Variants in CNKSR2 observed in about 807,000 individuals in gnomAD.
CNKSR2 encodes the protein connector enhancer of kinase suppressor of Ras 2.
In CNKSR2, 14 loss-of-function variants were observed where a neutral mutation model predicts 84.4. The ratio of observed to expected loss-of-function variants is 0.17; its 90% CI spans 0.11 to 0.26. The LOEUF (loss-of-function observed/expected upper bound fraction) is 0.26, where lower values mean the gene tolerates loss of function less well. Among genes scored for constraint, CNKSR2 ranks in the 10% least tolerant of loss-of-function variants. CNKSR2 has a pLI of 1.00. For synonymous variants in CNKSR2, 275 were observed against 277.9 expected, an observed-to-expected ratio of 0.99 and a Z score of 0.10; for missense variants, 485 against 771.2, an observed-to-expected ratio of 0.63 and a Z score of 4.40.
At chrX:21,381,414 T>G (rs1005842706) in intron 1 of CNKSR2, among the ~76,000 whole-genome samples, 1 of 111,716 alleles carries the variant, frequency 9.0e-6, no homozygotes, top group African/African-American at 3.2e-5. Context: ...TCTGTTTCCC[T>G]TTTTTTCCTA....
At chrX:21,523,887 G>A (rs1288685309) in intron 9 of CNKSR2, among the ~76,000 whole-genome samples, 1 of 110,050 alleles carries the variant, frequency 9.1e-6, no homozygotes, top group Non-Finnish European at 1.9e-5. Context: ...TTAGTCATTT[G>A]ATTTTTTACT....
intron 5 of CNKSR2, among the ~76,000 whole-genome samples, chrX:21,485,908 G>T (rs1486596503): frequency 1.8e-5 from 2 of 111,884 alleles, no homozygotes; most frequent in African/African-American, 3.3e-5. Context: ...GCCGAAGTAG[G>T]TGGATTACCT....
At chrX:21,483,420 A>G (rs990730586) in intron 5 of CNKSR2, among the ~76,000 whole-genome samples, 1 of 108,659 alleles carries the variant, frequency 9.2e-6, no homozygotes, top group Admixed American at 1.0e-4. Flanking sequence ...GAAGGGGAAC[A>G]TCACACACTG....
At chrX:21,453,605 C>T (rs984900821) in intron 4 of CNKSR2, among the ~76,000 whole-genome samples, 47 of 111,946 alleles carry the variant, frequency 4.2e-4, no homozygotes, top group African/African-American at 1.4e-3. Flanking sequence ...CTGTATGCCT[C>T]AGCCATAGGA....
At chrX:21,624,380 T>C (rs1335981851) in intron 20 of CNKSR2, among the ~76,000 whole-genome samples, 2 of 112,051 alleles carry the variant, frequency 1.8e-5, no homozygotes, top group Non-Finnish European at 3.8e-5. Flanking sequence ...GTACTTGCAA[T>C]TGAGTGTAGT....
rs138345193 is a variant in CNKSR2, at chrX:21,466,286, A to T, written c.520-4480A>T. ...GTTTGTAAAGTATAGATTTATCCAT[A>T]TGCAATGCTATTTTCTCTTTAAAAC... On this transcript the variant is annotated intron_variant, in intron 4 of 21. Transcript: ENST00000379510. 7.1e-3 allele frequency among the ~76,000 whole-genome samples: 789 copies of T among 111,412 alleles called. 2 individuals are homozygous for T. Among genetic ancestry groups the T allele is most frequent in the African/African-American group, 0.024 (749 of 30,678 alleles).
At chrX:21,434,768 T>C (rs950892624) in intron 3 of CNKSR2, among the ~76,000 whole-genome samples, 4 of 110,040 alleles carry the variant, frequency 3.6e-5, no homozygotes, top group Non-Finnish European at 7.6e-5. Flanking sequence ...TTATTTTATG[T>C]CACTTGAAAG....
At chrX:21,565,773 A>T (rs1420022404) in intron 13 of CNKSR2, among the ~76,000 whole-genome samples, 1 of 111,138 alleles carries the variant, frequency 9.0e-6, no homozygotes, top group African/African-American at 3.3e-5. Context: ...AAAAGAGAGA[A>T]CTCTAATTGG....
Position 21,609,611 on chromosome X carries a change from G to A in CNKSR2, c.2686G>A (p.Glu896Lys), listed in dbSNP as rs748028758. The A allele has an allele frequency of 3.4e-6, 4 of 1,191,752 alleles. No homozygotes were observed. Among genetic ancestry groups the A allele is most frequent in the Admixed American group, 2.3e-5 (1 of 44,070 alleles). Residue 896 changes from glutamate (E) to lysine (K), a missense_variant, in exon 20 of 22, where the codon GAA (glutamate) becomes AAA (lysine). Transcript: ENST00000379510. ...EGEAAGENIG[E>K]KSESREEKLG... ...GGAGGCAGCAGGGGAAAACATAGGA[G>A]AAAAAAGTAAGTATGTTTCTGGAGA...
intron 20 of CNKSR2, among the ~76,000 whole-genome samples, chrX:21,646,659 T>A (rs1217236381): frequency 1.8e-5 from 2 of 111,366 alleles, no homozygotes; most frequent in Non-Finnish European, 3.8e-5. Flanking sequence ...CTGAATCCCT[T>A]TTTCCTTCAC....
intron 9 of CNKSR2, 33 bp from the exon 10 acceptor site, chrX:21,526,834 G>A (rs1256816674): frequency 8.8e-7 from 1 of 1,142,854 alleles, no homozygotes; most frequent in South Asian, 1.9e-5. Context: ...TGTTGTTTGT[G>A]TGCGTATGTA....
At chrX:21,545,531 G>T (rs1427450602) in intron 11 of CNKSR2, among the ~76,000 whole-genome samples, 2 of 112,249 alleles carry the variant, frequency 1.8e-5, no homozygotes, top group African/African-American at 6.5e-5. Flanking sequence ...CAGCTCTGAA[G>T]AGAGCAGCAG....
At chrX:21,519,367 G>A (rs1039825786) in intron 9 of CNKSR2, among the ~76,000 whole-genome samples, 2 of 111,295 alleles carry the variant, frequency 1.8e-5, no homozygotes, top group East Asian at 5.7e-4. Flanking sequence ...TAAAGAAATA[G>A]TGAGATGAAA....
intron 1 of CNKSR2, among the ~76,000 whole-genome samples, chrX:21,393,402 A>G (rs1404439829): frequency 8.9e-6 from 1 of 112,615 alleles, no homozygotes; most frequent in Non-Finnish European, 1.9e-5. Flanking sequence ...TGTCAATTAT[A>G]CATTAAATAT....
intron 15 of CNKSR2, 109 bp downstream of exon 15, chrX:21,591,303 T>C: frequency 1.7e-6 from 1 of 575,643 alleles, no homozygotes; most frequent in Non-Finnish European, 2.6e-6. Context: ...GCCAATTCAG[T>C]AGACTTCTGC....
At chrX:21,429,104 T>G in intron 2 of CNKSR2, 1 of 112,256 alleles carries the variant, frequency 8.9e-6, no homozygotes, top group African/African-American at 3.2e-5. Flanking sequence ...ATACATTTCT[T>G]TATTTCTTTC....
chrX:21,430,221 C>T (rs1015490567), intron 2 of CNKSR2, among the ~76,000 whole-genome samples: 1 of 111,303 alleles, frequency 9.0e-6, no homozygotes, highest in Admixed American at 9.5e-5. Flanking sequence ...AAGTTAGAAC[C>T]TCTGAGAGTA....
At chrX:21,505,199 C>T (rs946516304) in intron 8 of CNKSR2, 2 of 123,130 alleles carry the variant, frequency 1.6e-5, no homozygotes, top group African/African-American at 6.4e-5. Context: ...TCGGGAATAT[C>T]ACTTGAGAAG....
At chrX:21,624,992 T>C (rs1234394113) in intron 20 of CNKSR2, among the ~76,000 whole-genome samples, 1 of 112,089 alleles carries the variant, frequency 8.9e-6, no homozygotes, top group African/African-American at 3.2e-5. Context: ...TTCTTATTTT[T>C]TCATTGTCTC....
Sources: allele counts gnomAD v4.1 joint callset (sites outside exome capture counted in the v4.1 genomes callset), GRCh38; gene constraint gnomAD v4.1.1; transcripts MANE v1.5; gene names NCBI Gene and HGNC (gene_info 2026-07-23, HGNC 2026-07-21).